Variants in CHD9 observed in about 807,000 individuals in gnomAD.
CHD9 encodes ATP-dependent chromatin remodeler CHD9.
CHD9 carries 77 observed loss-of-function variants against 316.1 expected under a neutral mutation model. The ratio of observed to expected loss-of-function variants is 0.24; its 90% CI spans 0.20 to 0.29. The LOEUF is 0.29. Ranked by LOEUF, CHD9 falls within the 10% of genes least tolerant of loss-of-function variation. The pLI, the probability that CHD9 is intolerant of heterozygous loss-of-function variation, is 1.00. For synonymous variants in CHD9, 1,129 were observed against 1,158.3 expected (o/e 0.97, Z 0.51); for missense variants, 2,763 against 3,438.1 (o/e 0.80, Z 4.91).
chr16:53,137,012 T>C (rs1423457373), intron 1 of CHD9, among the ~76,000 whole-genome samples: 2 of 152,014 alleles, frequency 1.3e-5, no homozygotes, highest in African/African-American at 4.8e-5. Flanking sequence ...TCTTGCTCTG[T>C]CGCCAGGCTG....
intron 20 of CHD9, among the ~76,000 whole-genome samples, chr16:53,265,419 T>TA (rs1448606959): frequency 2.0e-5 from 3 of 151,722 alleles, no homozygotes; most frequent in Non-Finnish European, 4.4e-5. Context: ...TAAATTAGTT[T>TA]AAAAAAATAA....
rs564152133 is a variant in CHD9 at position 53,126,827 on chromosome 16, T to G, written c.-164-29099T>G. Among the ~76,000 whole-genome samples, 16 of 152,134 alleles carry G rather than the reference T, an allele frequency of 1.1e-4. No individual in the cohort carries two copies. The South Asian group carries it at 3.3e-3, about 32-fold the overall frequency. On this transcript the variant is annotated intron_variant, in intron 1 of 38. Transcript: ENST00000447540. ...CCGAGTAGCTAGGATTACAGGCATG[T>G]GCCACCACACCCAGCTAATTTTTGT...
chr16:53,270,984 T>C (rs1304093214), intron 22 of CHD9, among the ~76,000 whole-genome samples: 2 of 152,186 alleles, frequency 1.3e-5, no homozygotes, highest in East Asian at 3.8e-4. Flanking sequence ...GAAGTCTGGA[T>C]TGCACTGGTA....
chr16:53,224,889 G>A (rs1215065788), intron 4 of CHD9, among the ~76,000 whole-genome samples: 2 of 152,112 alleles, frequency 1.3e-5, no homozygotes, highest in Non-Finnish European at 2.9e-5. Context: ...TTTCAAAATA[G>A]GATGAAGGAA....
rs372988013 is a variant in CHD9 at position 53,231,768 on chromosome 16, C to T, written c.2495C>T (p.Pro832Leu). Residue 832 changes from proline (P) to leucine (L), a missense_variant, in exon 10 of 39, where the codon CCT becomes CTT. By Grantham distance (98) the Pro-to-Leu change is moderately conservative (BLOSUM62 -3). This residue lies in a region of CHD9 where 186 missense variants were observed against 245.0 expected (regional missense o/e 0.76). Transcript: ENST00000447540. The part of the protein sequence containing the change: ...EEFEQLQASR[P>L]DTRRLDRPPS... ...TTTGAACAACTGCAAGCTTCAAGGC[C>T]TGACACAAGACGTTTGGTAAGAACC... The T allele has an allele frequency of 5.6e-6, 9 of 1,603,416 alleles. No individual in the cohort carries two copies. The highest frequency in any genetic ancestry group is 1.4e-5 in the African/African-American group (1 of 74,070).
intron 2 of CHD9, among the ~76,000 whole-genome samples, chr16:53,203,440 T>C (rs1042348952): frequency 3.3e-5 from 5 of 152,148 alleles, no homozygotes; most frequent in African/African-American, 4.8e-5. Context: ...TTGTTGTTTT[T>C]GGGTTTCACC....
intron 2 of CHD9, among the ~76,000 whole-genome samples, chr16:53,186,125 C>T (rs1036203196): frequency 3.3e-5 from 5 of 152,188 alleles, no homozygotes; most frequent in East Asian, 1.9e-4. Context: ...TTGCACTGTA[C>T]GCCTGGGAAA....
In CHD9 at chr16:53,231,717, A is replaced by T. The variant is rs1480445003; in HGVS notation, c.2444A>T (p.Asp815Val). 6.2e-7 allele frequency: 1 copy of T among 1,610,710 alleles called. No homozygotes were observed. Among genetic ancestry groups the T allele is most frequent in the Non-Finnish European group, 8.5e-7 (1 of 1,177,884 alleles). ...YEDSTWELKE[D>V]VDLAKIEEFE... Reference sequence around the variant, plus strand: ...GATAGTACTTGGGAACTAAAAGAAGATGTAGATCTTGCAAAAATAGAAGAG... The same window carrying T: ...GATAGTACTTGGGAACTAAAAGAAGTTGTAGATCTTGCAAAAATAGAAGAG... The change falls in exon 10 of 39, where the codon GAT (aspartate) becomes GTT (valine). Residue 815 changes from aspartate to valine, a missense_variant. By Grantham distance (152) the Asp-to-Val change is radical. Coordinates refer to ENST00000447540, the MANE Select transcript of CHD9 (RefSeq NM_001308319.2).
At chr16:53,122,569 G>C (rs1487664426) in intron 1 of CHD9, among the ~76,000 whole-genome samples, 1 of 138,788 alleles carries the variant, frequency 7.2e-6, no homozygotes, top group Admixed American at 7.7e-5. Context: ...TTTTGAGACA[G>C]AGTCTCACTC....
chr16:53,119,783 G>A (rs747325898), intron 1 of CHD9, among the ~76,000 whole-genome samples: 16 of 152,094 alleles, frequency 1.1e-4, no homozygotes, highest in Non-Finnish European at 2.2e-4. Context: ...AGTGAGCCGA[G>A]ACTGAGCCAC....
At chr16:53,072,699 T>A (rs1352585086) in intron 1 of CHD9, among the ~76,000 whole-genome samples, 4 of 150,962 alleles carry the variant, frequency 2.6e-5, no homozygotes, top group African/African-American at 7.4e-5. Context: ...TTTTTTATTT[T>A]TTTTATTTTT....
chr16:53,233,240 G>A (rs2048332072), intron 10 of CHD9, among the ~76,000 whole-genome samples: 1 of 152,106 alleles, frequency 6.6e-6, no homozygotes, highest in African/African-American at 2.4e-5. Flanking sequence ...ACCACTTTGG[G>A]TTTGATTAAT....
At chr16:53,087,729 C>T (rs778771058) in intron 1 of CHD9, among the ~76,000 whole-genome samples, 51 of 152,152 alleles carry the variant, frequency 3.4e-4, no homozygotes, top group Non-Finnish European at 6.0e-4. Context: ...AGGAGGATCA[C>T]TTGAGGTCAG....
chr16:53,211,506 A>G (rs1023387431), intron 3 of CHD9, among the ~76,000 whole-genome samples: 1 of 152,198 alleles, frequency 6.6e-6, no homozygotes, highest in African/African-American at 2.4e-5. Flanking sequence ...AACAAAATCG[A>G]TAAGAATTGT....
intron 2 of CHD9, among the ~76,000 whole-genome samples, chr16:53,184,345 T>TAAA (rs2043803511): frequency 6.6e-6 from 1 of 152,130 alleles, no homozygotes; most frequent in Non-Finnish European, 1.5e-5. Flanking sequence ...TGTTTGTTGT[T>TAAA]ACGGTTTTTG....
chr16:53,263,527 G>A (rs1035520313), intron 20 of CHD9, among the ~76,000 whole-genome samples: 1 of 152,016 alleles, frequency 6.6e-6, no homozygotes, highest in African/African-American at 2.4e-5. Context: ...CTTGAGCTAA[G>A]AAAAGGTCAA....
At chr16:53,113,364 C>CTTTTTTTT (rs35792251) in intron 1 of CHD9, among the ~76,000 whole-genome samples, 8 of 116,002 alleles carry the variant, frequency 6.9e-5, no homozygotes, top group Non-Finnish European at 1.0e-4. Flanking sequence ...AATCTTGGCA[C>CTTTTTTTT]TTTTTTTTTT....
intron 30 of CHD9, chr16:53,299,657 G>T (rs2287079): frequency 0.31 from 109,363 of 356,430 alleles, 18,837 homozygotes; most frequent in Admixed American, 0.53. Context: ...TTTCAAAGAA[G>T]ATCGAGGGCC....
chr16:53,251,897 A>G (rs2050158939), intron 17 of CHD9, among the ~76,000 whole-genome samples: 1 of 152,188 alleles, frequency 6.6e-6, no homozygotes, highest in Non-Finnish European at 1.5e-5. Flanking sequence ...GAAAGAAATC[A>G]TAGATGACAC....
Sources: allele counts gnomAD v4.1 joint callset (sites outside exome capture counted in the v4.1 genomes callset), GRCh38; gene constraint gnomAD v4.1.1; regional missense constraint gnomAD v4.1.1; transcripts MANE v1.5; gene names NCBI Gene and HGNC (gene_info 2026-07-23, HGNC 2026-07-21).